Variants in TMEM266 observed in about 807,000 individuals in gnomAD.
The protein encoded by TMEM266 is Hv1 related protein 1.
A neutral mutation model predicts 50.5 loss-of-function variants in TMEM266; 33 were observed. The ratio of observed to expected loss-of-function variants is 0.65; its 90% CI spans 0.50 to 0.87. The LOEUF (loss-of-function observed/expected upper bound fraction) is 0.87, where lower values mean the gene tolerates loss of function less well. Among genes scored for constraint, TMEM266 ranks in the 40% least tolerant of loss-of-function variants. The pLI is 0.00. For missense variants in TMEM266, 655 were observed against 695.1 expected, an observed-to-expected ratio of 0.94 and a Z score of 0.65; for synonymous variants, 310 against 292.3, an observed-to-expected ratio of 1.06 and a Z score of -0.62.
rs1169026227 is a variant in TMEM266, at chr15:76,192,097, G to A, written c.898G>A (p.Gly300Ser). Residue 300 changes from glycine (G) to serine (S), a missense_variant, in exon 9 of 11, where the codon GGC becomes AGC. By Grantham distance (56) the Gly-to-Ser change is moderately conservative. Transcript: ENST00000388942. Reference sequence around the variant, plus strand: ...CAGCCGCTTCAAAGTGTTGGAGGCCGGCACGTGGGACGAGGAGACGGCGGC... The same window carrying A: ...CAGCCGCTTCAAAGTGTTGGAGGCCAGCACGTGGGACGAGGAGACGGCGGC... 2.1e-6 allele frequency: 3 copies of A among 1,441,094 alleles called. No individual in the cohort carries two copies. The highest frequency in any genetic ancestry group is 5.7e-5 in the Admixed American group (2 of 35,008). The allele number at this position is 1,441,094 out of a possible 1,614,324, so 89.3% of individuals were successfully genotyped here.
chr15:76,101,799 G>A (rs913632451), intron 1 of TMEM266, among the ~76,000 whole-genome samples: 2 of 152,236 alleles, frequency 1.3e-5, no homozygotes, highest in African/African-American at 4.8e-5. Context: ...AGAGCACCCT[G>A]CAGGCAGGTC....
intron 1 of TMEM266, among the ~76,000 whole-genome samples, chr15:76,067,152 A>G (rs776517623): frequency 2.6e-5 from 4 of 152,206 alleles, no homozygotes; most frequent in Non-Finnish European, 4.4e-5. Context: ...TCAAATGAAG[A>G]TGAAGATTGG....
chr15:76,195,667 GTGT>G (rs2038643060), intron 9 of TMEM266, among the ~76,000 whole-genome samples: 1 of 152,208 alleles, frequency 6.6e-6, no homozygotes, highest in South Asian at 2.1e-4. Flanking sequence ...GGCCTGCCCC[GTGT>G]TGTTCTTTCT....
intron 3 of TMEM266, among the ~76,000 whole-genome samples, chr15:76,145,215 A>G (rs376034998): frequency 6.6e-6 from 1 of 152,190 alleles, no homozygotes; most frequent in African/African-American, 2.4e-5. Flanking sequence ...TCTGAGAGCC[A>G]TGTGACCCCT....
At chr15:76,069,764 G>A (rs1017413808) in intron 1 of TMEM266, among the ~76,000 whole-genome samples, 1 of 151,926 alleles carries the variant, frequency 6.6e-6, no homozygotes, top group African/African-American at 2.4e-5. Flanking sequence ...TTTGCAGTGA[G>A]CCAAGATCAT....
chr15:76,076,557 A>G (rs563864850), intron 1 of TMEM266, among the ~76,000 whole-genome samples: 3 of 152,164 alleles, frequency 2.0e-5, no homozygotes, highest in African/African-American at 7.2e-5. Flanking sequence ...GAGAAAGAAA[A>G]TCCCACTCAG....
At chr15:76,173,945 A>AT (rs199537837) in intron 7 of TMEM266, among the ~76,000 whole-genome samples, 2,430 of 151,322 alleles carry the variant, frequency 0.016, 47 homozygotes, top group African/African-American at 0.057. Context: ...AAAAAAATAA[A>AT]AAAAAAAAAA....
intron 1 of TMEM266, among the ~76,000 whole-genome samples, chr15:76,131,991 GA>G (rs1199879638): frequency 3.3e-5 from 5 of 152,160 alleles, no homozygotes; most frequent in African/African-American, 1.2e-4. Context: ...GCTCCTTTAA[GA>G]ACCTGGGTTC....
chr15:76,146,796 C>T (rs1290065617), intron 3 of TMEM266, among the ~76,000 whole-genome samples: 1 of 152,244 alleles, frequency 6.6e-6, no homozygotes, highest in Non-Finnish European at 1.5e-5. Context: ...AGTCTTCTCT[C>T]CTCTAACCCC....
intron 3 of TMEM266, among the ~76,000 whole-genome samples, chr15:76,152,920 C>T (rs992425401): frequency 2.0e-5 from 3 of 152,054 alleles, no homozygotes; most frequent in Admixed American, 6.6e-5. Context: ...ATGGTGGGGG[C>T]GGCGTTCATT....
At chr15:76,109,997 T>A (rs1381729537) in intron 1 of TMEM266, among the ~76,000 whole-genome samples, 1 of 151,822 alleles carries the variant, frequency 6.6e-6, no homozygotes, top group East Asian at 1.9e-4. Context: ...ATTTTTCTTT[T>A]CTTTTCTTTT....
rs376588096 is a variant in TMEM266, at chr15:76,204,516, C to T, written c.*201C>T. The T allele has an allele frequency of 9.9e-6, 5 of 505,886 alleles. No homozygotes were observed. The highest frequency in any genetic ancestry group is 5.8e-5 in the African/African-American group (3 of 51,968). 31.3% of individuals were successfully genotyped at this position (505,886 alleles called of 1,614,324 possible). A position where few individuals can be genotyped will look rare whatever the true frequency, so the allele number is the denominator to read the frequency against. On this transcript the variant is annotated 3_prime_UTR_variant, in exon 11 of 11. Coordinates refer to ENST00000388942, the MANE Select transcript of TMEM266 (RefSeq NM_152335.3). ...AAAGCCCAGAGCTGGCGCCTCTTCT[C>T]GCCCTGCTCAGGGGAGGGTGGTGCT... is the stretch of plus-strand genomic sequence containing the variant.
intron 3 of TMEM266, among the ~76,000 whole-genome samples, chr15:76,146,728 C>A (rs1403112467): frequency 6.6e-6 from 1 of 152,174 alleles, no homozygotes; most frequent in African/African-American, 2.4e-5. Flanking sequence ...TAAGCCATAG[C>A]CCAAAATACC....
intron 1 of TMEM266, among the ~76,000 whole-genome samples, chr15:76,094,586 C>T (rs117310909): frequency 0.016 from 2,459 of 152,060 alleles, 51 homozygotes; most frequent in Middle Eastern, 0.038. Flanking sequence ...CCAGGATTGT[C>T]CTGGCTATGC....
chr15:76,084,479 G>A (rs111526625), intron 1 of TMEM266, among the ~76,000 whole-genome samples: 2,710 of 152,334 alleles, frequency 0.018, 33 homozygotes, highest in Middle Eastern at 0.027. Flanking sequence ...CATGAAGGGA[G>A]CATATGGAGA....
chr15:76,187,325 C>T lies in TMEM266; in HGVS notation c.769-4643C>T, dbSNP rs74378381. Among the ~76,000 whole-genome samples the T allele has an allele frequency of 4.1e-3, 620 of 152,366 alleles. 3 individuals are homozygous for T. Among genetic ancestry groups the T allele is most frequent in the African/African-American group, 0.014 (592 of 41,596 alleles). On this transcript the variant is annotated intron_variant, in intron 8 of 10. Transcript: ENST00000388942. ...TTCTTGGGCAGCTCCATATCAATTACAAGCCATCAATAATGCATCCCTTCA... is the reference window on the plus strand; with the variant it reads ...TTCTTGGGCAGCTCCATATCAATTATAAGCCATCAATAATGCATCCCTTCA...
At chr15:76,066,715 G>T (rs567459781) in intron 1 of TMEM266, among the ~76,000 whole-genome samples, 1 of 151,932 alleles carries the variant, frequency 6.6e-6, no homozygotes, top group African/African-American at 2.4e-5. Context: ...AGTTTTCATC[G>T]GCATCTGCTG....
At chr15:76,147,576 C>G (rs907047026) in intron 3 of TMEM266, among the ~76,000 whole-genome samples, 2 of 152,172 alleles carry the variant, frequency 1.3e-5, no homozygotes, top group Non-Finnish European at 2.9e-5. Flanking sequence ...ACCCCTCACT[C>G]CCTTGATATT....
intron 1 of TMEM266, among the ~76,000 whole-genome samples, chr15:76,089,954 A>G (rs764612925): frequency 6.6e-6 from 1 of 152,174 alleles, no homozygotes; most frequent in Admixed American, 6.5e-5. Context: ...ATTTGGGTGG[A>G]TGGTAACTTC....
Sources: allele counts gnomAD v4.1 joint callset (sites outside exome capture counted in the v4.1 genomes callset), GRCh38; gene constraint gnomAD v4.1.1; transcripts MANE v1.5; gene names NCBI Gene and HGNC (gene_info 2026-07-23, HGNC 2026-07-21).